The following IFT57 variants were observed in gnomAD, a reference collection of about 807,000 sequenced individuals.
IFT57 encodes the protein intraflagellar transport protein 57 homolog.
In IFT57, 59 loss-of-function variants were observed where a neutral mutation model predicts 56.8. The ratio of observed to expected loss-of-function variants is 1.04; its 90% CI spans 0.84 to 1.29. IFT57 has a LOEUF of 1.29. Ranked by LOEUF, IFT57 falls within the 50% of genes most tolerant of loss-of-function variation. IFT57 has a pLI of 0.00. For synonymous variants in IFT57, 209 were observed against 186.1 expected, an observed-to-expected ratio of 1.12 and a Z score of -1.00; for missense variants, 470 against 522.1, an observed-to-expected ratio of 0.90 and a Z score of 0.97.
chr3:108,167,169 G>A lies in IFT57; in HGVS notation c.850-184C>T. ...AGAAATATTTTAACCACACTTAGAA[G>A]AGTTTTAGAATAAAAATGCACCTGG... On this transcript the variant is annotated intron_variant, in intron 7 of 10. Transcript: ENST00000264538. 3 of 546,312 alleles carry A rather than the reference G, an allele frequency of 5.5e-6. No homozygotes were observed. In the South Asian group the frequency reaches 7.8e-5, roughly 14 times the overall value. 33.8% of individuals were successfully genotyped at this position (546,312 alleles called of 1,614,324 possible). A position where few individuals can be genotyped will look rare whatever the true frequency, so the allele number is the denominator to read the frequency against.
intron 5 of IFT57, among the ~76,000 whole-genome samples, chr3:108,201,640 C>T (rs2108321797): frequency 6.6e-6 from 1 of 152,230 alleles, no homozygotes; most frequent in Non-Finnish European, 1.5e-5. Context: ...AAACATTCTC[C>T]TTAAGCAGGA....
chr3:108,193,585 A>G (rs111986857), intron 5 of IFT57, among the ~76,000 whole-genome samples: 1 of 152,334 alleles, frequency 6.6e-6, no homozygotes, highest in African/African-American at 2.4e-5. Flanking sequence ...AAATATGGAA[A>G]CATTGTATTA....
chr3:108,166,666 C>T (rs566510874), intron 8 of IFT57, among the ~76,000 whole-genome samples, 188 bp downstream of exon 8: 4 of 152,158 alleles, frequency 2.6e-5, no homozygotes, highest in Non-Finnish European at 4.4e-5. Context: ...CAGGAGAAAA[C>T]AACTTCTATT....
chr3:108,217,582 C>A (rs752092051), intron 3 of IFT57, among the ~76,000 whole-genome samples: 45 of 151,394 alleles, frequency 3.0e-4, no homozygotes, highest in Non-Finnish European at 6.0e-4. Context: ...CAATGATAAC[C>A]TAATTCAAGG....
At chr3:108,193,231 AT>A (rs2080225656) in intron 5 of IFT57, among the ~76,000 whole-genome samples, 1 of 152,182 alleles carries the variant, frequency 6.6e-6, no homozygotes. Context: ...TAGGGTTTGT[AT>A]TTTTGTGGGA....
chr3:108,203,079 G>A (rs73200390), intron 5 of IFT57, among the ~76,000 whole-genome samples: 1 of 152,350 alleles, frequency 6.6e-6, no homozygotes, highest in Non-Finnish European at 1.5e-5. Flanking sequence ...CAGAGAATGT[G>A]GCCAGCAGAC....
At chr3:108,182,548 C>T (rs2080157006) in intron 6 of IFT57, among the ~76,000 whole-genome samples, 1 of 152,096 alleles carries the variant, frequency 6.6e-6, no homozygotes, top group African/African-American at 2.4e-5. Flanking sequence ...AGAAATGTTT[C>T]CTGCTGTGAA....
At chr3:108,168,558 C>T (rs72931629) in intron 6 of IFT57, among the ~76,000 whole-genome samples, 12,163 of 151,650 alleles carry the variant, frequency 0.08, 593 homozygotes, top group Middle Eastern at 0.11. Flanking sequence ...TACTATGTGC[C>T]CTGGTGGTTT....
intron 5 of IFT57, among the ~76,000 whole-genome samples, chr3:108,200,628 T>A (rs909247493): frequency 6.6e-6 from 1 of 152,168 alleles, no homozygotes; most frequent in South Asian, 2.1e-4. Flanking sequence ...AGCTCTCAAA[T>A]AATACCTAAA....
chr3:108,161,933 T>C lies in IFT57; in HGVS notation c.*544A>G, dbSNP rs569960683. 7.2e-5 allele frequency: 11 copies of C among 152,294 alleles called. No homozygotes were observed. Among genetic ancestry groups the C allele is most frequent in the African/African-American group, 2.4e-4 (10 of 41,582 alleles). The allele number at this position is 152,294 out of a possible 1,614,324, so 9.4% of individuals were successfully genotyped here. A position where few individuals can be genotyped will look rare whatever the true frequency, so the allele number is the denominator to read the frequency against. The stretch of plus-strand genomic sequence containing the variant: ...TAAAATCATTTTAGCCACGAAATAT[T>C]CATAAGAAACCAACTTCAAATGTTA... On this transcript the variant is annotated 3_prime_UTR_variant, in exon 11 of 11. Transcript: ENST00000264538.
At chr3:108,182,723 G>A (rs936309219) in intron 6 of IFT57, among the ~76,000 whole-genome samples, 1 of 152,050 alleles carries the variant, frequency 6.6e-6, no homozygotes, top group Non-Finnish European at 1.5e-5. Flanking sequence ...AAAGGTTTGA[G>A]ATAATTAGAA....
chr3:108,170,489 G>A (rs1256593819), intron 6 of IFT57, among the ~76,000 whole-genome samples: 1 of 151,970 alleles, frequency 6.6e-6, no homozygotes, highest in South Asian at 2.1e-4. Context: ...ACTGCTCAAG[G>A]AAGTAAGAAA....
chr3:108,167,211 AT>A (rs1292729627), intron 7 of IFT57: 7 of 454,186 alleles, frequency 1.5e-5, no homozygotes, highest in Non-Finnish European at 2.7e-5. Flanking sequence ...TAGTCAATTC[AT>A]TTGTCATTAT....
intron 6 of IFT57, among the ~76,000 whole-genome samples, chr3:108,188,800 A>G (rs911309687): frequency 2.6e-5 from 4 of 152,196 alleles, no homozygotes; most frequent in African/African-American, 9.6e-5. Flanking sequence ...GTTTTGTAAA[A>G]GAGTGTGTGT....
intron 5 of IFT57, among the ~76,000 whole-genome samples, chr3:108,205,310 AT>A (rs1438645034): frequency 2.0e-5 from 3 of 152,198 alleles, no homozygotes; most frequent in Non-Finnish European, 4.4e-5. Flanking sequence ...TTTTTATCTC[AT>A]TTACAGCTTA....
At chr3:108,212,555 T>C (rs2080348145) in intron 4 of IFT57, among the ~76,000 whole-genome samples, 1 of 152,092 alleles carries the variant, frequency 6.6e-6, no homozygotes, top group Non-Finnish European at 1.5e-5. Flanking sequence ...TCTTGTATGG[T>C]CTGCAAAACT....
At chr3:108,187,413 A>C (rs1387230541) in intron 6 of IFT57, among the ~76,000 whole-genome samples, 1 of 152,176 alleles carries the variant, frequency 6.6e-6, no homozygotes, top group Non-Finnish European at 1.5e-5. Flanking sequence ...GATCTCATCA[A>C]AGCACATACA....
intron 5 of IFT57, among the ~76,000 whole-genome samples, chr3:108,206,016 A>G (rs1334002041): frequency 1.0e-4 from 12 of 119,796 alleles, no homozygotes; most frequent in African/African-American, 3.4e-4. Context: ...TTACTTATAT[A>G]TAATATATTG....
intron 4 of IFT57, among the ~76,000 whole-genome samples, chr3:108,207,992 G>A (rs1490361429): frequency 4.0e-5 from 6 of 150,122 alleles, no homozygotes; most frequent in Admixed American, 6.6e-5. Context: ...GCAATGAGCC[G>A]AGATTGTGCC....
Sources: allele counts gnomAD v4.1 joint callset (sites outside exome capture counted in the v4.1 genomes callset), GRCh38; gene constraint gnomAD v4.1.1; transcripts MANE v1.5; gene names NCBI Gene and HGNC (gene_info 2026-07-23, HGNC 2026-07-21).